The following ADAMTSL2 variants were observed in gnomAD, a reference collection of about 807,000 sequenced individuals.
ADAMTSL2 encodes the protein ADAMTS like 2, also known as ADAMTS-like protein 2.
In ADAMTSL2, 55 loss-of-function variants were observed where a neutral mutation model predicts 117.0. The ratio of observed to expected loss-of-function variants is 0.47; its 90% CI spans 0.38 to 0.59. ADAMTSL2 has a LOEUF of 0.59. ADAMTSL2 is among the 20% of genes least tolerant of loss of function. ADAMTSL2 has a pLI of 0.00. For synonymous variants in ADAMTSL2, 572 were observed against 566.4 expected (o/e 1.01, Z -0.14); for missense variants, 1,182 against 1,354.5 (o/e 0.87, Z 2.00).
Position 133,558,059 on chromosome 9 carries a change from TAA to T in ADAMTSL2, c.1649+2131_1649+2132del, listed in dbSNP as rs1405511611. Among the ~76,000 whole-genome samples, 3 of 152,108 alleles carry T rather than the reference TAA, an allele frequency of 2.0e-5. No individual in the cohort carries two copies. The highest frequency in any genetic ancestry group is 4.8e-5 in the African/African-American group (2 of 41,416). The stretch of plus-strand genomic sequence containing the variant: ...GCTTACGGATCCTCAAGCCGCTTTG[TAA>T]AGAGTCTCTCCTGCCCCATCTTGGT... On this transcript the variant is annotated intron_variant, in intron 11 of 18. Coordinates refer to ENST00000651351, the MANE Select transcript of ADAMTSL2 (RefSeq NM_014694.4). This position sits in a 1 kb window ranked among gnomAD's most constrained non-coding sequence, Gnocchi z 4.3.
At chr9:133,553,754 C>T (rs1450018496) in intron 9 of ADAMTSL2, among the ~76,000 whole-genome samples, 1 of 152,230 alleles carries the variant, frequency 6.6e-6, no homozygotes, top group Non-Finnish European at 1.5e-5. Context: ...GAAAAAGCAA[C>T]TCCTGGAGAG....
At chr9:133,566,894 G>A in intron 12 of ADAMTSL2, 42 bp from the exon 13 acceptor site, 1 of 1,586,748 alleles carries the variant, frequency 6.3e-7, no homozygotes, top group Non-Finnish European at 8.6e-7. Flanking sequence ...GGGCTCCAAG[G>A]TGCCGGCATG....
intron 17 of ADAMTSL2, among the ~76,000 whole-genome samples, chr9:133,572,444 C>T (rs1038557011): frequency 9.9e-5 from 15 of 152,084 alleles, no homozygotes; most frequent in Non-Finnish European, 1.6e-4. Context: ...AGGCTAAGCC[C>T]GGTGGGAGGG....
chr9:133,564,507 A>AGG (rs1290803239), intron 12 of ADAMTSL2, among the ~76,000 whole-genome samples: 12 of 52,770 alleles, frequency 2.3e-4, no homozygotes, highest in African/African-American at 3.7e-4. Flanking sequence ...AGAGGGAGAG[A>AGG]GAGAGGGAGA....
chr9:133,559,303 C>T (rs1364509941), intron 11 of ADAMTSL2, among the ~76,000 whole-genome samples: 3 of 151,742 alleles, frequency 2.0e-5, no homozygotes, highest in Non-Finnish European at 4.4e-5. Flanking sequence ...TTCCAGGGAA[C>T]TTTTGTTCTG....
In ADAMTSL2 at chr9:133,568,585, C is replaced by T; in HGVS notation, c.2089-18C>T. 3 of 1,565,928 alleles carry T rather than the reference C, an allele frequency of 1.9e-6. No individual in the cohort carries two copies. The highest frequency in any genetic ancestry group is 2.6e-6 in the Non-Finnish European group (3 of 1,155,872). The stretch of plus-strand genomic sequence containing the variant: ...ACCTGTGTCACACCCCCCCTGCCCC[C>T]TCCCCCTGCCGCCCCAGTGCACTGC... On this transcript the variant is annotated intron_variant, in intron 14 of 18. Coordinates refer to ENST00000651351, the MANE Select transcript of ADAMTSL2 (RefSeq NM_014694.4).
intron 5 of ADAMTSL2, 49 bp from the exon 6 acceptor site, chr9:133,540,549 G>A (rs369563043): frequency 2.5e-4 from 408 of 1,606,130 alleles, no homozygotes; most frequent in East Asian, 2.5e-4. Flanking sequence ...CTCTGAATCC[G>A]GCATTTCCTG....
At chr9:133,553,466 C>G (rs1412293111) in intron 9 of ADAMTSL2, among the ~76,000 whole-genome samples, 1 of 152,190 alleles carries the variant, frequency 6.6e-6, no homozygotes, top group Non-Finnish European at 1.5e-5. Flanking sequence ...TTCCACAAAC[C>G]TCTGCAAGTT....
At chr9:133,567,107 T>C in intron 13 of ADAMTSL2, 45 bp downstream of exon 13, 3 of 1,573,704 alleles carry the variant, frequency 1.9e-6, no homozygotes, top group Middle Eastern at 1.7e-4. Context: ...GCAGGGGGCG[T>C]GAGGGGCTCT....
At chr9:133,570,306 C>A in intron 16 of ADAMTSL2, 25 bp from the exon 17 acceptor site, 1 of 1,538,150 alleles carries the variant, frequency 6.5e-7, no homozygotes, top group African/African-American at 1.4e-5. Flanking sequence ...CTGGCGCTGA[C>A]CCGCTCCCTC....
chr9:133,575,196 G>A lies in ADAMTSL2; in HGVS notation c.*332G>A. ...AGGGGCCCAGGGCCCACAGCCAGCG[G>A]TGGAGGTGTCTTGCTCCGGGCCCGT... On this transcript the variant is annotated 3_prime_UTR_variant, in exon 19 of 19. Transcript: ENST00000651351. The A allele has an allele frequency of 2.6e-6, 1 of 383,002 alleles. No homozygotes were observed. Among genetic ancestry groups the A allele is most frequent in the South Asian group, 2.6e-5 (1 of 38,528 alleles). The allele number at this position is 383,002 out of a possible 1,614,324, so 23.7% of individuals were successfully genotyped here.
intron 5 of ADAMTSL2, among the ~76,000 whole-genome samples, chr9:133,540,214 G>T (rs907718187): frequency 2.6e-5 from 4 of 152,212 alleles, no homozygotes; most frequent in Non-Finnish European, 4.4e-5. Context: ...ACGGTCCCAT[G>T]GAAAGCAAGT....
intron 9 of ADAMTSL2, among the ~76,000 whole-genome samples, chr9:133,553,053 GGA>G (rs1457309162): frequency 2.6e-5 from 4 of 152,170 alleles, no homozygotes; most frequent in Admixed American, 6.5e-5. Flanking sequence ...CTGGTGGCTG[GGA>G]GAGGAGGGCA....
At chr9:133,539,609 C>G (rs944172052) in intron 4 of ADAMTSL2, among the ~76,000 whole-genome samples, 162 bp from the exon 5 acceptor site, 1 of 76,396 alleles carries the variant, frequency 1.3e-5, no homozygotes, top group Non-Finnish European at 2.9e-5. Flanking sequence ...CGCATGGGAG[C>G]GCGCAGGAGC....
intron 18 of ADAMTSL2, among the ~76,000 whole-genome samples, chr9:133,574,438 T>C (rs1241273621): frequency 2.6e-5 from 4 of 152,088 alleles, no homozygotes; most frequent in Non-Finnish European, 4.4e-5. Context: ...TTTGGATACA[T>C]TGAGTGGTGG....
rs933508100 is a variant in ADAMTSL2, at chr9:133,570,658, C to T, written c.2592+151C>T. ...TTTCCTTCCCGGGAAAGCTTCTCAACTCCACCACGTCAGCTGGTGCGAGAG... is the reference window on the plus strand; with the variant it reads ...TTTCCTTCCCGGGAAAGCTTCTCAATTCCACCACGTCAGCTGGTGCGAGAG... On this transcript the variant is annotated intron_variant, in intron 17 of 18. Coordinates refer to ENST00000651351, the MANE Select transcript of ADAMTSL2 (RefSeq NM_014694.4). 3.8e-4 allele frequency: 334 copies of T among 875,734 alleles called. 4 individuals carry two copies. The highest frequency in any genetic ancestry group is 1.0e-4 in the Admixed American group (5 of 47,974). The allele number at this position is 875,734 out of a possible 1,614,324, so 54.2% of individuals were successfully genotyped here. A position where few individuals can be genotyped will look rare whatever the true frequency, so the allele number is the denominator to read the frequency against.
chr9:133,547,777 C>G (rs1192614985), intron 9 of ADAMTSL2, among the ~76,000 whole-genome samples: 2 of 152,194 alleles, frequency 1.3e-5, no homozygotes, highest in African/African-American at 4.8e-5. Flanking sequence ...AAGGTAGTTC[C>G]CGTGGCCCCT....
chr9:133,552,822 A>T (rs1369898730), intron 9 of ADAMTSL2, among the ~76,000 whole-genome samples: 2 of 152,172 alleles, frequency 1.3e-5, no homozygotes, highest in South Asian at 2.1e-4. Context: ...CTACATCTGC[A>T]TCCTTTAGGT....
chr9:133,534,784 G>C lies in ADAMTSL2; in HGVS notation c.-284G>C. 6.8e-7 allele frequency: 1 copy of C among 1,478,678 alleles called. No homozygotes were observed. The highest frequency in any genetic ancestry group is 2.3e-5 in the Admixed American group (1 of 43,206). The allele number at this position is 1,478,678 out of a possible 1,614,324, so 91.6% of individuals were successfully genotyped here. A position where few individuals can be genotyped will look rare whatever the true frequency, so the allele number is the denominator to read the frequency against. On this transcript the variant is annotated 5_prime_UTR_variant, in exon 1 of 19. Transcript: ENST00000651351. ...GAGGGAGGCGGCGCGGGGGAGGAGG[G>C]GAAGGGGAGAGGGAGGCCGGGCCGC... is the stretch of plus-strand genomic sequence containing the variant.
Sources: allele counts gnomAD v4.1 joint callset (sites outside exome capture counted in the v4.1 genomes callset), GRCh38; gene constraint gnomAD v4.1.1; non-coding constraint Gnocchi (gnomAD v3.1); transcripts MANE v1.5; gene names NCBI Gene and HGNC (gene_info 2026-07-23, HGNC 2026-07-21).